LPP: variants seen among roughly 807,000 people sequenced by gnomAD.
The protein encoded by LPP is LIM domain containing preferred translocation partner in lipoma.
In LPP, 38 loss-of-function variants were observed where a neutral mutation model predicts 60.4. That is an observed-to-expected ratio of 0.63 (90% CI 0.49 to 0.83). The LOEUF (loss-of-function observed/expected upper bound fraction) is 0.83, where lower values mean the gene tolerates loss of function less well. LPP is among the 40% of genes least tolerant of loss of function. The pLI, the probability that LPP is intolerant of heterozygous loss-of-function variation, is 0.00. For missense variants in LPP, 902 were observed against 783.6 expected (o/e 1.15, Z -1.80); for synonymous variants, 328 against 290.8 (o/e 1.13, Z -1.30).
At chr3:188,608,464 T>A (rs1254057168) in intron 6 of LPP, among the ~76,000 whole-genome samples, 2 of 152,150 alleles carry the variant, frequency 1.3e-5, no homozygotes, top group East Asian at 1.9e-4. Flanking sequence ...TGCCCCCTCA[T>A]CAAAAATCAA....
intron 9 of LPP, among the ~76,000 whole-genome samples, chr3:188,853,700 G>A (rs997376977): frequency 2.6e-5 from 4 of 152,148 alleles, no homozygotes; most frequent in South Asian, 2.1e-4. Context: ...TAAACTGATC[G>A]TCTTTGGTAA....
intron 8 of LPP, among the ~76,000 whole-genome samples, chr3:188,719,655 G>A (rs2889904): frequency 0.74 from 111,803 of 152,054 alleles, 41,974 homozygotes; most frequent in African/African-American, 0.91. Flanking sequence ...ACCTGAACCT[G>A]CAAGTGCTAA....
chr3:188,727,502 A>G (rs1333334042), intron 8 of LPP, among the ~76,000 whole-genome samples: 1 of 152,196 alleles, frequency 6.6e-6, no homozygotes, highest in East Asian at 1.9e-4. Flanking sequence ...TATAAAATAT[A>G]TTAAAATAAC....
At chr3:188,172,121 G>A (rs1450311913) in intron 1 of LPP, among the ~76,000 whole-genome samples, 2 of 152,232 alleles carry the variant, frequency 1.3e-5, no homozygotes, top group Non-Finnish European at 2.9e-5. Flanking sequence ...CACCTTGAGA[G>A]TCCTTTTTGC....
At chr3:188,483,648 G>T (rs1406872152) in intron 4 of LPP, among the ~76,000 whole-genome samples, 2 of 152,110 alleles carry the variant, frequency 1.3e-5, no homozygotes, top group Admixed American at 6.5e-5. Context: ...TTAGATCACA[G>T]AGATCAGGTT....
At chr3:188,240,346 T>G (rs1560144631) in intron 2 of LPP, among the ~76,000 whole-genome samples, 1 of 127,906 alleles carries the variant, frequency 7.8e-6, no homozygotes, top group Non-Finnish European at 1.7e-5. Flanking sequence ...GGTAAGAGTG[T>G]GTGTGTGTGT....
intron 7 of LPP, among the ~76,000 whole-genome samples, chr3:188,692,093 A>G (rs1341057298): frequency 6.6e-6 from 1 of 152,158 alleles, no homozygotes. Context: ...GGATACCTGT[A>G]TTTCTCCACC....
chr3:188,160,921 G>A (rs1718069693), intron 1 of LPP, among the ~76,000 whole-genome samples: 1 of 152,238 alleles, frequency 6.6e-6, no homozygotes. Flanking sequence ...GAATGCCTAT[G>A]GAAAAGAAGA....
chr3:188,874,358 G>C lies in LPP; in HGVS notation c.1718G>C (p.Gly573Ala), dbSNP rs1418446341. ...HVHCYRCEDC[G>A]GLLSEGDNQG... ...CTGTCTTTACTGTTCTAGGATTGCG[G>C]TGGTCTCCTGTCTGAAGGAGATAAC... Residue 573 changes from glycine (G) to alanine (A), a missense_variant, in exon 12 of 12, where the codon GGT becomes GCT. By Grantham distance (60) the Gly-to-Ala change is moderately conservative. Transcript: ENST00000617246. The C allele has an allele frequency of 6.2e-7, 1 of 1,613,444 alleles. No individual in the cohort carries two copies. The highest frequency in any genetic ancestry group is 1.1e-5 in the South Asian group (1 of 91,048).
chr3:188,284,315 G>A, intron 2 of LPP, among the ~76,000 whole-genome samples: 1 of 152,114 alleles, frequency 6.6e-6, no homozygotes, highest in East Asian at 1.9e-4. Flanking sequence ...GGAAGGTTGA[G>A]AATGAGAGAC....
At chr3:188,846,312 G>A (rs1254046444) in intron 9 of LPP, among the ~76,000 whole-genome samples, 1 of 152,142 alleles carries the variant, frequency 6.6e-6, no homozygotes, top group African/African-American at 2.4e-5. Context: ...ACACATGATC[G>A]GAGACTTTAC....
chr3:188,778,826 T>C (rs915658473), intron 9 of LPP, among the ~76,000 whole-genome samples: 7 of 152,176 alleles, frequency 4.6e-5, no homozygotes, highest in Non-Finnish European at 1.0e-4. Flanking sequence ...AATTATTTTT[T>C]TGAAAAATAA....
chr3:188,820,517 T>C (rs531756582), intron 9 of LPP, among the ~76,000 whole-genome samples: 5 of 152,230 alleles, frequency 3.3e-5, no homozygotes, highest in African/African-American at 1.2e-4. Context: ...CCAATGTTCT[T>C]GTCCAAAAGC....
rs201370939 is a variant in LPP, at chr3:188,609,713, C to T, written c.982C>T (p.Arg328Trp). Residue 328 changes from arginine to tryptophan, a missense_variant, in exon 7 of 12, where the codon CGG (arginine) becomes TGG (tryptophan). Coordinates refer to ENST00000617246, the MANE Select transcript of LPP (RefSeq NM_001375462.1). This position sits in a 1 kb window ranked among gnomAD's most constrained non-coding sequence, Gnocchi z 6.9. Reference sequence around the variant, plus strand: ...ACAAGGTCACCCAAATACCTGGAAACGGGAACCAGGGTACACTCCTCCTGG... The same window carrying T: ...ACAAGGTCACCCAAATACCTGGAAATGGGAACCAGGGTACACTCCTCCTGG... Reference protein sequence around the residue: ...GQQGHPNTWKREPGYTPPGAG... With the variant: ...GQQGHPNTWKWEPGYTPPGAG... 70 of 1,614,094 alleles carry T rather than the reference C, an allele frequency of 4.3e-5. No individual in the cohort carries two copies. Among genetic ancestry groups the T allele is most frequent in the East Asian group, 3.8e-4 (17 of 44,868 alleles).
At chr3:188,486,126 A>G (rs1388458543) in intron 5 of LPP, among the ~76,000 whole-genome samples, 2 of 152,308 alleles carry the variant, frequency 1.3e-5, no homozygotes, top group African/African-American at 4.8e-5. Flanking sequence ...TCTTTTAAAC[A>G]TATACCTTTG....
At chr3:188,521,471 T>C (rs1161334123) in intron 5 of LPP, among the ~76,000 whole-genome samples, 1 of 152,192 alleles carries the variant, frequency 6.6e-6, no homozygotes, top group African/African-American at 2.4e-5. Flanking sequence ...TCAGTTGATG[T>C]ACTTTCTGCT....
At chr3:188,529,780 A>G (rs925223890) in intron 6 of LPP, among the ~76,000 whole-genome samples, 4 of 152,254 alleles carry the variant, frequency 2.6e-5, no homozygotes, top group Admixed American at 6.5e-5. Context: ...AAAGGTTAGT[A>G]TCAACAGGTC....
chr3:188,509,565 A>G (rs574775374), intron 5 of LPP, among the ~76,000 whole-genome samples: 10 of 152,286 alleles, frequency 6.6e-5, no homozygotes, highest in Middle Eastern at 3.4e-3. Context: ...CATTGGAACA[A>G]GGGAGAGGTG....
At chr3:188,233,227 G>C (rs1205049472) in intron 2 of LPP, among the ~76,000 whole-genome samples, 2 of 152,170 alleles carry the variant, frequency 1.3e-5, no homozygotes, top group Admixed American at 1.3e-4. Flanking sequence ...AAATATAGTG[G>C]CTCTAGGAAC....
Sources: gnomAD v4.1 joint callset for allele counts (sites outside exome capture counted in the v4.1 genomes callset) on GRCh38, gnomAD v4.1.1 for gene constraint, Gnocchi (gnomAD v3.1) non-coding constraint, MANE v1.5 for transcripts, NCBI Gene and HGNC (gene_info 2026-07-23, HGNC 2026-07-21) for gene names.